Variants in SLC26A8 observed in about 807,000 individuals in gnomAD.
SLC26A8 encodes the protein testis anion transporter 1.
Under a neutral mutation model 105.0 loss-of-function variants are expected in SLC26A8, and 70 were observed. The observed-to-expected ratio is 0.67, with a 90% CI of 0.55 to 0.81. The LOEUF (loss-of-function observed/expected upper bound fraction) is 0.81. Ranked by LOEUF, SLC26A8 falls within the 40% of genes least tolerant of loss-of-function variation. The pLI is 0.00. For missense variants in SLC26A8, 998 were observed against 1,181.8 expected (o/e 0.84, Z 2.28); for synonymous variants, 415 against 438.3 (o/e 0.95, Z 0.66).
chr6:35,951,384 A>G, intron 18 of SLC26A8, 37 bp from the exon 19 acceptor site: 1 of 1,614,116 alleles, frequency 6.2e-7, no homozygotes, highest in South Asian at 1.1e-5. Context: ...AATGTCAGAT[A>G]CTTGGGGAGC....
At position 35,951,204 on chromosome 6, in the gene SLC26A8, A is replaced by G; in HGVS notation, c.2431T>C (p.Ser811Pro). 1.2e-6 allele frequency: 2 copies of G among 1,611,914 alleles called. No homozygotes were observed. Among genetic ancestry groups the G allele is most frequent in the Non-Finnish European group, 1.7e-6 (2 of 1,179,722 alleles). The change falls in exon 19 of 20, where the codon TCC becomes CCC. Residue 811 changes from serine to proline, a missense_variant. By Grantham distance (74) the Ser-to-Pro change is moderately conservative (BLOSUM62 -1). Coordinates refer to ENST00000490799, the MANE Select transcript of SLC26A8 (RefSeq NM_052961.4). ...IGSSELSIDESETVIRETYSE... is the reference protein window; with the variant it reads ...IGSSELSIDEPETVIRETYSE... ...TAGGTTTCCCGTATCACTGTCTCGG[A>G]TTCATCGATGCTTAACTCAGAGGAG...
In SLC26A8 at chr6:35,961,208, G is replaced by A. The variant is rs1772295826; in HGVS notation, c.1462-109C>T. On this transcript the variant is annotated intron_variant, in intron 12 of 19. Transcript: ENST00000490799. ...TTCACCCTCTCCCTTACTACACCTGGGCTTTAGGGAAATATTCCATAGCCA... is the reference window on the plus strand; with the variant it reads ...TTCACCCTCTCCCTTACTACACCTGAGCTTTAGGGAAATATTCCATAGCCA... The A allele has an allele frequency of 4.8e-6, 4 of 836,488 alleles. No individual in the cohort carries two copies. The South Asian group carries it at 5.1e-5, about 11-fold the overall frequency. 51.8% of individuals were successfully genotyped at this position (836,488 alleles called of 1,614,324 possible).
chr6:36,005,977 T>A (rs894870622), intron 3 of SLC26A8, among the ~76,000 whole-genome samples: 1 of 152,236 alleles, frequency 6.6e-6, no homozygotes, highest in Non-Finnish European at 1.5e-5. Context: ...TGAATAAAAT[T>A]ATTGTCATCA....
At chr6:35,952,839 C>T (rs544623623) in intron 17 of SLC26A8, among the ~76,000 whole-genome samples, 6 of 151,892 alleles carry the variant, frequency 4.0e-5, no homozygotes, top group African/African-American at 1.4e-4. Context: ...TATGGTGAAA[C>T]CCCGTCTCTA....
At chr6:35,968,605 G>GAATATATATATATATA (rs1402291129) in intron 11 of SLC26A8, among the ~76,000 whole-genome samples, 3 of 53,856 alleles carry the variant, frequency 5.6e-5, no homozygotes, top group African/African-American at 7.9e-5. Context: ...GTGTGTGTGT[G>GAATATATATATATATA]TGTGTATATA....
chr6:35,972,461 TGAA>T (rs1351032227), intron 10 of SLC26A8, among the ~76,000 whole-genome samples: 2 of 151,904 alleles, frequency 1.3e-5, no homozygotes, highest in Non-Finnish European at 2.9e-5. Flanking sequence ...TCCCATGGAA[TGAA>T]GAAGATGAAT....
intron 7 of SLC26A8, among the ~76,000 whole-genome samples, chr6:35,986,022 ATC>A (rs1773506290): frequency 8.2e-6 from 1 of 121,616 alleles, no homozygotes; most frequent in Non-Finnish European, 1.7e-5. Flanking sequence ...TCACATATAC[ATC>A]TTTTTTTTTT....
intron 19 of SLC26A8, among the ~76,000 whole-genome samples, chr6:35,944,653 G>A (rs1434486832): frequency 6.6e-6 from 1 of 151,768 alleles, no homozygotes; most frequent in East Asian, 1.9e-4. Flanking sequence ...AGACTGCAGT[G>A]AGCTGTGTTT....
At chr6:35,947,251 A>G (rs1771708884) in intron 19 of SLC26A8, among the ~76,000 whole-genome samples, 1 of 151,824 alleles carries the variant, frequency 6.6e-6, no homozygotes, top group African/African-American at 2.4e-5. Flanking sequence ...GGCTGGTCTC[A>G]AACTCCTGGC....
intron 7 of SLC26A8, 60 bp downstream of exon 7, chr6:35,991,599 C>T: frequency 7.4e-7 from 1 of 1,354,654 alleles, no homozygotes; most frequent in Non-Finnish European, 9.8e-7. Flanking sequence ...TTCAACTCAG[C>T]ATTTTTTTAA....
chr6:35,991,148 C>A (rs950780285), intron 7 of SLC26A8, among the ~76,000 whole-genome samples: 1 of 152,122 alleles, frequency 6.6e-6, no homozygotes, highest in Non-Finnish European at 1.5e-5. Context: ...CGCCTGTAAT[C>A]CTAGCACTTT....
chr6:35,983,200 TGGAA>T (rs1366904864), intron 7 of SLC26A8, among the ~76,000 whole-genome samples: 5 of 152,146 alleles, frequency 3.3e-5, no homozygotes, highest in African/African-American at 1.2e-4. Context: ...CAGATTAGAA[TGGAA>T]GGAAGAATCT....
chr6:35,990,775 A>G (rs1407317948), intron 7 of SLC26A8, among the ~76,000 whole-genome samples: 3 of 152,234 alleles, frequency 2.0e-5, no homozygotes, highest in African/African-American at 4.8e-5. Context: ...AACTGAAAAT[A>G]CTAAAGTATC....
In SLC26A8 at chr6:35,955,163, C is replaced by T. The variant is rs140565578; in HGVS notation, c.2221G>A (p.Val741Ile). 26 of 1,613,944 alleles carry T rather than the reference C, an allele frequency of 1.6e-5. No homozygotes were observed. Among genetic ancestry groups the T allele is most frequent in the African/African-American group, 1.3e-4 (10 of 74,868 alleles). ...VHYVDSRGLV[V>I]LRQICNAFQN... ...TCCTCAGTACTTACCTGTCTTAATA[C>T]GACTAACCCCCGTGAATCCACGTAG... is the stretch of plus-strand genomic sequence containing the variant. The change falls in exon 17 of 20, where the codon GTA (valine) becomes ATA (isoleucine). Residue 741 changes from valine to isoleucine, a missense_variant. Physicochemically the swap from Val to Ile is conservative, Grantham distance 29 (BLOSUM62 3). Transcript: ENST00000490799.
At chr6:35,959,900 C>T (rs1297265555) in intron 14 of SLC26A8, 94 bp from the exon 15 acceptor site, 1 of 1,004,332 alleles carries the variant, frequency 1.0e-6, no homozygotes, top group Non-Finnish European at 1.5e-6. Context: ...AGTCTGTATT[C>T]TTCTTTTTTA....
At chr6:35,966,509 A>G (rs1036523161) in intron 11 of SLC26A8, among the ~76,000 whole-genome samples, 2 of 152,186 alleles carry the variant, frequency 1.3e-5, no homozygotes, top group African/African-American at 4.8e-5. Context: ...CATAATTTCC[A>G]TTATCCCAGA....
At chr6:35,950,784 T>G (rs1202069572) in intron 19 of SLC26A8, among the ~76,000 whole-genome samples, 1 of 152,094 alleles carries the variant, frequency 6.6e-6, no homozygotes, top group Non-Finnish European at 1.5e-5. Context: ...GGGGAGGAAT[T>G]CTAAAGGTAT....
intron 19 of SLC26A8, among the ~76,000 whole-genome samples, chr6:35,950,172 C>T (rs957879562): frequency 1.3e-5 from 2 of 152,066 alleles, no homozygotes; most frequent in African/African-American, 4.8e-5. Context: ...GATTTCTAGT[C>T]ATTAGATAAT....
intron 7 of SLC26A8, among the ~76,000 whole-genome samples, chr6:35,985,574 T>C (rs568877869): frequency 3.3e-5 from 5 of 151,638 alleles, no homozygotes; most frequent in Admixed American, 3.3e-4. Flanking sequence ...GTACCTGTAA[T>C]CCCAGCTACT....
Sources: allele counts gnomAD v4.1 joint callset (sites outside exome capture counted in the v4.1 genomes callset), GRCh38; gene constraint gnomAD v4.1.1; transcripts MANE v1.5; gene names NCBI Gene and HGNC (gene_info 2026-07-23, HGNC 2026-07-21).